The following STXBP4 variants were observed in gnomAD, a reference collection of about 807,000 sequenced individuals.
STXBP4 encodes syntaxin-binding protein 4.
A neutral mutation model predicts 76.1 loss-of-function variants in STXBP4; 55 were observed. The observed-to-expected ratio is 0.72, with a 90% CI of 0.58 to 0.91. The LOEUF is 0.91. STXBP4 is among the 40% of genes least tolerant of loss of function. The pLI is 0.00. For missense variants in STXBP4, 618 were observed against 636.9 expected (o/e 0.97, Z 0.32); for synonymous variants, 201 against 220.2 (o/e 0.91, Z 0.77).
intron 16 of STXBP4, among the ~76,000 whole-genome samples, chr17:55,122,091 AT>A (rs1362179268): frequency 6.6e-6 from 1 of 152,068 alleles, no homozygotes; most frequent in Admixed American, 6.6e-5. Context: ...AATATGCCAC[AT>A]TTTTTTCTAA....
At chr17:55,137,192 C>T (rs1401553454) in intron 16 of STXBP4, among the ~76,000 whole-genome samples, 1 of 151,966 alleles carries the variant, frequency 6.6e-6, no homozygotes, top group African/African-American at 2.4e-5. Flanking sequence ...AGTGAAAATT[C>T]CATTTATGTG....
At chr17:55,198,286 C>T in the STXBP4 span, among the ~76,000 whole-genome samples, 1 of 152,130 alleles carries the variant, frequency 6.6e-6, no homozygotes, top group Non-Finnish European at 1.5e-5. Flanking sequence ...GCCTCTGGTC[C>T]TTTTGTTACT....
intron 15 of STXBP4, 70 bp downstream of exon 15, chr17:55,078,805 C>G (rs1164096745): frequency 5.7e-6 from 5 of 882,376 alleles, no homozygotes; most frequent in South Asian, 2.9e-5. Context: ...CATTGTGACT[C>G]AAATACTAAA....
chr17:55,043,203 C>A, intron 10 of STXBP4, 33 bp from the exon 11 acceptor site: 1 of 1,201,888 alleles, frequency 8.3e-7, no homozygotes, highest in Non-Finnish European at 1.1e-6. Flanking sequence ...GCATCTAATG[C>A]ACAACTTTTC....
chr17:55,031,507 CTTTT>C (rs2078509167), intron 9 of STXBP4, among the ~76,000 whole-genome samples: 1 of 152,046 alleles, frequency 6.6e-6, no homozygotes, highest in Non-Finnish European at 1.5e-5. Context: ...CTGTCATATT[CTTTT>C]TATTTTTTAT....
intron 15 of STXBP4, 47 bp downstream of exon 15, chr17:55,078,782 T>C (rs1448248360): frequency 9.7e-7 from 1 of 1,035,382 alleles, no homozygotes; most frequent in African/African-American, 1.6e-5. Flanking sequence ...AGTGATTAAA[T>C]TCTTCATCTG....
At position 54,999,678 on chromosome 17, in the gene STXBP4, A is replaced by G. The variant is rs2077875958; in HGVS notation, c.334A>G (p.Asn112Asp). The change falls in exon 6 of 18, where the codon AAC becomes GAC. Residue 112 changes from asparagine (N) to aspartate (D), a missense_variant. Asn to Asp is a conservative substitution (Grantham distance 23, BLOSUM62 1). Coordinates refer to ENST00000376352, the MANE Select transcript of STXBP4 (RefSeq NM_178509.6). The part of the protein sequence containing the change: ...EIAFIRQKSD[N>D]IQPENLSCTS... ...AGCATTCATAAGACAAAAATCCGAC[A>G]ACATTCAGCCAGAAAATCTGTCATG... The G allele has an allele frequency of 6.2e-7, 1 of 1,613,794 alleles. No homozygotes were observed. Among genetic ancestry groups the G allele is most frequent in the African/African-American group, 1.3e-5 (1 of 75,026 alleles).
intron 16 of STXBP4, among the ~76,000 whole-genome samples, chr17:55,105,638 A>AT (rs541274850): frequency 0.082 from 11,557 of 141,330 alleles, 1,426 homozygotes; most frequent in African/African-American, 0.27. Flanking sequence ...CCCAGCTAAT[A>AT]TTTTTTTTTT....
chr17:55,180,101 G>A, the STXBP4 span, among the ~76,000 whole-genome samples: 1 of 152,144 alleles, frequency 6.6e-6, no homozygotes, highest in Non-Finnish European at 1.5e-5. Context: ...GTTACCTTGA[G>A]CTAAATACTC....
At chr17:55,133,868 G>T (rs1447768171) in intron 16 of STXBP4, among the ~76,000 whole-genome samples, 1 of 152,176 alleles carries the variant, frequency 6.6e-6, no homozygotes, top group East Asian at 1.9e-4. Flanking sequence ...GAGAATAAAT[G>T]AAAAGATGGG....
At chr17:55,064,657 C>T (rs1249579124) in intron 12 of STXBP4, among the ~76,000 whole-genome samples, 2 of 152,072 alleles carry the variant, frequency 1.3e-5, no homozygotes, top group Admixed American at 1.3e-4. Context: ...CGCCACCCGC[C>T]ACCATGCCCG....
intron 3 of STXBP4, among the ~76,000 whole-genome samples, chr17:54,989,114 C>A (rs1240942733): frequency 6.6e-6 from 1 of 152,046 alleles, no homozygotes; most frequent in Non-Finnish European, 1.5e-5. Context: ...TGAAGTAACT[C>A]TTTTTCTTTT....
At chr17:55,036,776 A>C (rs1320158804) in intron 10 of STXBP4, among the ~76,000 whole-genome samples, 2 of 152,102 alleles carry the variant, frequency 1.3e-5, no homozygotes, top group Non-Finnish European at 2.9e-5. Context: ...GTTTAAAAAC[A>C]AAAATTGCAC....
chr17:55,017,605 G>A (rs559761556), intron 8 of STXBP4, among the ~76,000 whole-genome samples: 39 of 152,330 alleles, frequency 2.6e-4, no homozygotes, highest in Admixed American at 5.9e-4. Context: ...AGGAGGTATG[G>A]GTTAGAAGGA....
At chr17:55,056,225 A>G (rs1280277135) in intron 12 of STXBP4, among the ~76,000 whole-genome samples, 1 of 152,140 alleles carries the variant, frequency 6.6e-6, no homozygotes, top group Non-Finnish European at 1.5e-5. Context: ...TATCTAAAAT[A>G]TTACTTTAGC....
intron 12 of STXBP4, among the ~76,000 whole-genome samples, chr17:55,056,216 A>G (rs115262733): frequency 0.012 from 1,848 of 152,290 alleles, 33 homozygotes; most frequent in African/African-American, 0.042. Context: ...AGTTGGATTT[A>G]TCTAAAATAT....
At chr17:54,985,063 AT>A (rs767094826) in intron 1 of STXBP4, among the ~76,000 whole-genome samples, 2 of 152,172 alleles carry the variant, frequency 1.3e-5, no homozygotes, top group Non-Finnish European at 2.9e-5. Context: ...TCAAGATGCC[AT>A]TTTTAACTGA....
chr17:55,106,858 G>T (rs2079641333), intron 16 of STXBP4, among the ~76,000 whole-genome samples: 1 of 152,180 alleles, frequency 6.6e-6, no homozygotes. Context: ...CTCTCTGGCT[G>T]CCCTTAACAT....
chr17:55,152,888 T>A (rs2080231847), intron 17 of STXBP4, among the ~76,000 whole-genome samples: 1 of 152,162 alleles, frequency 6.6e-6, no homozygotes, highest in South Asian at 2.1e-4. Flanking sequence ...AGTCAATACA[T>A]CTTTAATTAA....
Sources: allele counts gnomAD v4.1 joint callset (sites outside exome capture counted in the v4.1 genomes callset), GRCh38; gene constraint gnomAD v4.1.1; transcripts MANE v1.5; gene names NCBI Gene and HGNC (gene_info 2026-07-23, HGNC 2026-07-21).